The following BLVRA variants were observed in gnomAD, a reference collection of about 807,000 sequenced individuals.
BLVRA encodes the protein biliverdin reductase A.
In BLVRA, 22 loss-of-function variants were observed where a neutral mutation model predicts 32.8. That is an observed-to-expected ratio of 0.67 (90% CI 0.48 to 0.96). The LOEUF (loss-of-function observed/expected upper bound fraction) is 0.96, where lower values mean the gene tolerates loss of function less well. Among genes scored for constraint, BLVRA ranks in the 40% least tolerant of loss-of-function variants. The pLI is 0.00. For synonymous variants in BLVRA, 119 were observed against 141.3 expected (o/e 0.84, Z 1.12); for missense variants, 323 against 358.1 (o/e 0.90, Z 0.79).
intron 4 of BLVRA, 87 bp from the exon 5 acceptor site, chr7:43,792,628 T>C: frequency 1.5e-6 from 2 of 1,305,016 alleles, no homozygotes; most frequent in East Asian, 4.9e-5. Flanking sequence ...CTCATGCCTT[T>C]ATAACATTCT....
At chr7:43,782,555 C>G (rs367627109) in intron 2 of BLVRA, among the ~76,000 whole-genome samples, 1 of 152,030 alleles carries the variant, frequency 6.6e-6, no homozygotes, top group Non-Finnish European at 1.5e-5. Flanking sequence ...CTTGGGAATG[C>G]GGCTTGGAAG....
At chr7:43,803,026 G>A (rs909924160) in intron 6 of BLVRA, among the ~76,000 whole-genome samples, 4 of 152,282 alleles carry the variant, frequency 2.6e-5, no homozygotes, top group Non-Finnish European at 4.4e-5. Flanking sequence ...GAGCCACCAC[G>A]CCTGGCCCCA....
chr7:43,791,453 A>G (rs1052726820), intron 4 of BLVRA, 85 bp downstream of exon 4: 4 of 1,472,844 alleles, frequency 2.7e-6, no homozygotes, highest in Non-Finnish European at 3.8e-6. Flanking sequence ...CACCCTGCAA[A>G]GGAGTCAGAA....
intron 5 of BLVRA, among the ~76,000 whole-genome samples, chr7:43,797,000 C>T (rs2095793522): frequency 6.6e-6 from 1 of 152,232 alleles, no homozygotes; most frequent in Non-Finnish European, 1.5e-5. Flanking sequence ...AAATCCACAG[C>T]CACCGTCAGT....
intron 2 of BLVRA, among the ~76,000 whole-genome samples, chr7:43,776,813 A>C (rs1417541946): frequency 6.6e-6 from 1 of 152,052 alleles, no homozygotes; most frequent in Non-Finnish European, 1.5e-5. Flanking sequence ...TTGCTTTATG[A>C]ATCTGGGTGC....
chr7:43,795,457 A>C (rs2095790751), intron 5 of BLVRA, among the ~76,000 whole-genome samples: 1 of 151,916 alleles, frequency 6.6e-6, no homozygotes, highest in African/African-American at 2.4e-5. Flanking sequence ...CAGAGGTTGC[A>C]GTGAGGGAGA....
At chr7:43,780,056 G>A (rs1340721382) in intron 2 of BLVRA, among the ~76,000 whole-genome samples, 1 of 151,932 alleles carries the variant, frequency 6.6e-6, no homozygotes. Context: ...GTTTTTAGTA[G>A]AGATGGGGTT....
At position 43,788,035 on chromosome 7, in the gene BLVRA, A is replaced by G. The variant is rs2095780290; in HGVS notation, c.134+10A>G. 1 of 1,614,106 alleles carries G rather than the reference A, an allele frequency of 6.2e-7. No individual in the cohort carries two copies. Among genetic ancestry groups the G allele is most frequent in the East Asian group, 2.2e-5 (1 of 44,872 alleles). On this transcript the variant is annotated intron_variant, in intron 3 of 7. Transcript: ENST00000265523. ...TTGGCTTCGTGTCGAGGTGGCTCAC[A>G]ATGTCTTTGTGCTTCATAATTCATG...
chr7:43,798,599 A>G (rs554346328), intron 5 of BLVRA, among the ~76,000 whole-genome samples: 1 of 152,214 alleles, frequency 6.6e-6, no homozygotes, highest in South Asian at 2.1e-4. Flanking sequence ...TGTTTCCATT[A>G]TTCTTTGAAT....
intron 2 of BLVRA, among the ~76,000 whole-genome samples, chr7:43,777,347 A>G (rs2095762505): frequency 1.3e-5 from 2 of 150,460 alleles, no homozygotes; most frequent in African/African-American, 4.9e-5. Context: ...GGTGGTGACA[A>G]AATCTCTCAG....
chr7:43,765,503 C>T (rs1026009705), intron 1 of BLVRA, among the ~76,000 whole-genome samples: 4 of 152,282 alleles, frequency 2.6e-5, no homozygotes, highest in African/African-American at 7.2e-5. Flanking sequence ...CCGCCCGCCT[C>T]GGCCTCCCAA....
At chr7:43,767,385 C>A in intron 1 of BLVRA, 1 of 1,601,224 alleles carries the variant, frequency 6.2e-7, no homozygotes, top group Non-Finnish European at 8.5e-7. Flanking sequence ...CGCTCCTGTT[C>A]TTCACAGCTT....
Position 43,792,806 on chromosome 7 carries a change from C to G in BLVRA, c.346C>G (p.Gln116Glu). Residue 116 changes from glutamine to glutamate, a missense_variant, in exon 5 of 8, where the codon CAG (glutamine) becomes GAG (glutamate). Physicochemically the swap from Gln to Glu is conservative, Grantham distance 29. Coordinates refer to ENST00000265523, the MANE Select transcript of BLVRA (RefSeq NM_000712.4). ...AAQELWELAE[Q>E]KGKVLHEEHV... is the part of the protein sequence containing the mutation. The stretch of plus-strand genomic sequence containing the variant: ...TCAGGAACTGTGGGAGCTGGCTGAG[C>G]AGAAAGGTAATGTATCTTACCAAGA... The G allele has an allele frequency of 6.2e-7, 1 of 1,613,916 alleles. No individual in the cohort carries two copies. The highest frequency in any genetic ancestry group is 8.5e-7 in the Non-Finnish European group (1 of 1,179,882).
At chr7:43,771,855 C>T (rs913355408) in intron 2 of BLVRA, among the ~76,000 whole-genome samples, 1 of 152,222 alleles carries the variant, frequency 6.6e-6, no homozygotes, top group African/African-American at 2.4e-5. Context: ...AGCTCCTTGC[C>T]AGTGCCCTGA....
chr7:43,780,059 A>G (rs2095767022), intron 2 of BLVRA, among the ~76,000 whole-genome samples: 1 of 151,822 alleles, frequency 6.6e-6, no homozygotes. Flanking sequence ...TTTAGTAGAG[A>G]TGGGGTTTCA....
intron 2 of BLVRA, among the ~76,000 whole-genome samples, chr7:43,782,772 T>C (rs1004051301): frequency 1.3e-5 from 2 of 151,926 alleles, no homozygotes; most frequent in African/African-American, 4.8e-5. Flanking sequence ...TAGCATGAGG[T>C]AAGAGAAGAA....
At position 43,778,077 on chromosome 7, in the gene BLVRA, C is replaced by T. The variant is rs1263880603; in HGVS notation, c.12+6907C>T. 2.0e-5 allele frequency among the ~76,000 whole-genome samples: 3 copies of T among 152,080 alleles called. No homozygotes were observed. The East Asian group carries it at 5.8e-4, about 29-fold the overall frequency. On this transcript the variant is annotated intron_variant, in intron 2 of 7. Transcript: ENST00000265523. ...TTTTCAAAGTTTTTAACTTCTTTGC[C>T]ATTGGTTTGAATTTCCTCCTGTAGC...
upstream of BLVRA, among the ~76,000 whole-genome samples, chr7:43,758,417 G>T (rs1463600838): frequency 1.8e-5 from 2 of 111,346 alleles, no homozygotes; most frequent in Non-Finnish European, 4.7e-5. Flanking sequence ...CCCTCCGGTC[G>T]GCCGGCACCC....
chr7:43,802,967 C>T (rs1244317505), intron 6 of BLVRA, among the ~76,000 whole-genome samples: 1 of 152,186 alleles, frequency 6.6e-6, no homozygotes, highest in Admixed American at 6.5e-5. Context: ...GTCTCGAACT[C>T]AAGTGATCCA....
Sources: allele counts gnomAD v4.1 joint callset (sites outside exome capture counted in the v4.1 genomes callset), GRCh38; gene constraint gnomAD v4.1.1; transcripts MANE v1.5; gene names NCBI Gene and HGNC (gene_info 2026-07-23, HGNC 2026-07-21).